The following OSBPL9 variants were observed in gnomAD, a reference collection of about 807,000 sequenced individuals.
The protein encoded by OSBPL9 is oxysterol-binding protein-related protein 9.
In OSBPL9, 40 loss-of-function variants were observed where a neutral mutation model predicts 106.6. The ratio of observed to expected loss-of-function variants is 0.38; its 90% CI spans 0.29 to 0.49. OSBPL9 has a LOEUF of 0.49. OSBPL9 is among the 20% of genes least tolerant of loss of function. The pLI is 0.97. For missense variants in OSBPL9, 609 were observed against 887.2 expected, an observed-to-expected ratio of 0.69 and a Z score of 3.98; for synonymous variants, 269 against 295.4, an observed-to-expected ratio of 0.91 and a Z score of 0.92.
the OSBPL9 span, among the ~76,000 whole-genome samples, chr1:51,555,605 T>A: frequency 2.6e-5 from 4 of 152,130 alleles, no homozygotes; most frequent in Admixed American, 6.5e-5. Flanking sequence ...TCTTGCTCTG[T>A]CGCCCAGGCT....
chr1:51,586,232 G>A (rs1301791470), intron 1 of OSBPL9, among the ~76,000 whole-genome samples: 5 of 151,870 alleles, frequency 3.3e-5, no homozygotes, highest in African/African-American at 1.2e-4. Flanking sequence ...CAAGTTCATT[G>A]TAGAAAATAA....
the OSBPL9 span, among the ~76,000 whole-genome samples, chr1:51,520,750 C>T: frequency 6.6e-6 from 1 of 152,328 alleles, no homozygotes; most frequent in Middle Eastern, 3.4e-3. Context: ...CTATTGCCTC[C>T]ACAAGCAAAC....
chr1:51,560,679 A>G, the OSBPL9 span, among the ~76,000 whole-genome samples: 128 of 152,356 alleles, frequency 8.4e-4, no homozygotes, highest in African/African-American at 3.0e-3. Context: ...GAGAAGAAAG[A>G]GATGGAGAGG....
rs1056040598 is a variant in OSBPL9, at chr1:51,772,800, TGTA to T, written c.1170+81_1170+83del. ...ATTGCGTGGTGAGTGTGCCTGCAAA[TGTA>T]GTAAAATGACATAATTTCTTTTTAT... On this transcript the variant is annotated intron_variant, in intron 14 of 23. Transcript: ENST00000428468. 4 of 959,626 alleles carry T rather than the reference TGTA, an allele frequency of 4.2e-6. No homozygotes were observed. In the African/African-American group the frequency reaches 6.4e-5, roughly 15 times the overall value. The allele number at this position is 959,626 out of a possible 1,614,324, so 59.4% of individuals were successfully genotyped here.
intron 4 of OSBPL9, among the ~76,000 whole-genome samples, chr1:51,721,167 C>T (rs1373563773): frequency 6.7e-6 from 1 of 149,802 alleles, no homozygotes; most frequent in Non-Finnish European, 1.5e-5. Flanking sequence ...TCGTCACTAG[C>T]TTTTATCTAA....
At chr1:51,622,241 G>A (rs1644483511) in intron 1 of OSBPL9, among the ~76,000 whole-genome samples, 1 of 152,190 alleles carries the variant, frequency 6.6e-6, no homozygotes, top group Non-Finnish European at 1.5e-5. Context: ...ATGTGTTACA[G>A]TCTGGAGCTT....
At chr1:51,571,642 G>A in the OSBPL9 span, among the ~76,000 whole-genome samples, 1 of 152,122 alleles carries the variant, frequency 6.6e-6, no homozygotes, top group East Asian at 1.9e-4. Context: ...ACTCCAGCCT[G>A]GGTGACAGAG....
At chr1:51,776,539 T>C (rs189948780) in intron 14 of OSBPL9, among the ~76,000 whole-genome samples, 1 of 152,290 alleles carries the variant, frequency 6.6e-6, no homozygotes, top group East Asian at 1.9e-4. Context: ...GTGAGTTTGT[T>C]GAGTAGTTTG....
the OSBPL9 span, among the ~76,000 whole-genome samples, chr1:51,570,971 G>A: frequency 1.8e-4 from 28 of 152,046 alleles, no homozygotes; most frequent in Middle Eastern, 0.01. Flanking sequence ...ATAGGTTCCC[G>A]CCACCACGCC....
the OSBPL9 span, among the ~76,000 whole-genome samples, chr1:51,571,066 A>G: frequency 6.6e-6 from 1 of 152,072 alleles, no homozygotes; most frequent in Admixed American, 6.6e-5. Flanking sequence ...GTGAGTCACC[A>G]CACCCGGCTG....
At position 51,748,398 on chromosome 1, in the gene OSBPL9, T is replaced by C; in HGVS notation, c.492T>C (p.Asn164=). Residue 164 remains asparagine, a splice_region_variant and synonymous_variant, in exon 7 of 24, where the codon AAT becomes AAC. Coordinates refer to ENST00000428468, the MANE Select transcript of OSBPL9 (RefSeq NM_024586.6). ...TTGAAACTCTCAAAGAGACAACAAA[T>C]GTAAGTTATATGTTTGATACATTCT... ...KKIETLKETT[N]SMVESIKHCI... The C allele has an allele frequency of 6.6e-7, 1 of 1,515,134 alleles. No homozygotes were observed. Among genetic ancestry groups the C allele is most frequent in the Non-Finnish European group, 8.8e-7 (1 of 1,140,624 alleles). 93.9% of individuals were successfully genotyped at this position (1,515,134 alleles called of 1,614,324 possible).
At chr1:51,765,373 C>T (rs1672345148) in intron 11 of OSBPL9, among the ~76,000 whole-genome samples, 1 of 152,204 alleles carries the variant, frequency 6.6e-6, no homozygotes, top group East Asian at 1.9e-4. Context: ...AATGTGATAT[C>T]CTGCAATATT....
At chr1:51,687,330 ATTCTT>A (rs1166649388) in intron 3 of OSBPL9, among the ~76,000 whole-genome samples, 3 of 152,224 alleles carry the variant, frequency 2.0e-5, no homozygotes, top group Non-Finnish European at 4.4e-5. Flanking sequence ...TTCTCATTTA[ATTCTT>A]TTAACAACCC....
At chr1:51,536,224 C>T in the OSBPL9 span, among the ~76,000 whole-genome samples, 1 of 152,144 alleles carries the variant, frequency 6.6e-6, no homozygotes, top group Non-Finnish European at 1.5e-5. Context: ...GCAGTATTTT[C>T]CCCCATCAGG....
chr1:51,739,756 A>G (rs1251212086), intron 4 of OSBPL9, among the ~76,000 whole-genome samples: 1 of 152,042 alleles, frequency 6.6e-6, no homozygotes, highest in Non-Finnish European at 1.5e-5. Context: ...GCAGAAATGG[A>G]TAAACCACGG....
In OSBPL9 at chr1:51,624,530, A is replaced by C. The variant is rs887791309; in HGVS notation, c.111+7309A>C. ...TTGAACCCGGAAGGCAAAACCCGTG[A>C]GCTGAGATCACGCCACTGCACTCTA... On this transcript the variant is annotated intron_variant, in intron 1 of 23. Coordinates refer to ENST00000428468, the MANE Select transcript of OSBPL9 (RefSeq NM_024586.6). Among the ~76,000 whole-genome samples, 7 of 152,154 alleles carry C rather than the reference A, an allele frequency of 4.6e-5. No homozygotes were observed. The East Asian group carries it at 1.4e-3, about 30-fold the overall frequency.
intron 3 of OSBPL9, chr1:51,707,211 C>A: frequency 5.5e-6 from 2 of 361,332 alleles, no homozygotes; most frequent in East Asian, 8.8e-5. Flanking sequence ...ATTGTCATAC[C>A]AGGAATTGAG....
chr1:51,730,399 T>C (rs1261918174), intron 4 of OSBPL9, among the ~76,000 whole-genome samples: 1 of 152,272 alleles, frequency 6.6e-6, no homozygotes, highest in African/African-American at 2.4e-5. Flanking sequence ...ATTAATAGAA[T>C]CTCCAGTTGC....
At chr1:51,587,230 T>C (rs1259801296) in intron 1 of OSBPL9, among the ~76,000 whole-genome samples, 1 of 152,182 alleles carries the variant, frequency 6.6e-6, no homozygotes. Context: ...CTAGGCGTGG[T>C]GGCATGTGCC....
Sources: gnomAD v4.1 joint callset for allele counts (sites outside exome capture counted in the v4.1 genomes callset) on GRCh38, gnomAD v4.1.1 for gene constraint, MANE v1.5 for transcripts, NCBI Gene and HGNC (gene_info 2026-07-23, HGNC 2026-07-21) for gene names.